Variants in GSE1 observed in about 807,000 individuals in gnomAD.
GSE1 encodes Gse1 coiled-coil protein, also known as genetic suppressor element 1.
In GSE1, 32 loss-of-function variants were observed where a neutral mutation model predicts 112.6. The ratio of observed to expected loss-of-function variants is 0.28; its 90% confidence interval spans 0.21 to 0.38. The LOEUF (loss-of-function observed/expected upper bound fraction) is 0.38. Among genes scored for constraint, GSE1 ranks in the 10% least tolerant of loss-of-function variants. The pLI, the probability that GSE1 is intolerant of heterozygous loss-of-function variation, is 1.00. For missense variants in GSE1, 2,348 were observed against 1,699.2 expected (o/e 1.38, Z -6.71); for synonymous variants, 1,115 against 735.6 (o/e 1.52, Z -8.35).
chr16:85,515,585 C>T (rs2051903470), intron 2 of GSE1, among the ~76,000 whole-genome samples: 1 of 151,574 alleles, frequency 6.6e-6, no homozygotes, highest in African/African-American at 2.4e-5. Flanking sequence ...GCGCCAGGGG[C>T]CCAGACTGGG....
intron 2 of GSE1, among the ~76,000 whole-genome samples, chr16:85,471,492 C>T (rs1480266098): frequency 6.6e-6 from 1 of 152,178 alleles, no homozygotes; most frequent in East Asian, 1.9e-4. Context: ...TAGCTCACTG[C>T]AGCCTCCATT....
At chr16:85,344,083 G>A (rs1394855343) in intron 1 of GSE1, among the ~76,000 whole-genome samples, 1 of 152,168 alleles carries the variant, frequency 6.6e-6, no homozygotes, top group Non-Finnish European at 1.5e-5. Flanking sequence ...CAGGGCCTGG[G>A]AGTGCTGTTC....
intron 1 of GSE1, among the ~76,000 whole-genome samples, chr16:85,247,194 G>A (rs576600954): frequency 3.9e-5 from 6 of 152,228 alleles, no homozygotes; most frequent in East Asian, 1.9e-4. Context: ...TCTTGATTTC[G>A]CCACGGGCTG....
intron 2 of GSE1, among the ~76,000 whole-genome samples, chr16:85,639,758 C>T (rs985636504): frequency 2.0e-5 from 3 of 152,252 alleles, no homozygotes; most frequent in Admixed American, 1.3e-4. Flanking sequence ...CCGCCGCCCC[C>T]ACTGCTGTGT....
chr16:85,208,324 C>T (rs567056335), intron 1 of GSE1, among the ~76,000 whole-genome samples: 42 of 152,298 alleles, frequency 2.8e-4, no homozygotes, highest in Admixed American at 9.8e-4. Context: ...GCTCCCTGAA[C>T]GGTCTGCGGA....
At chr16:85,416,441 T>C (rs1387790249) in intron 2 of GSE1, among the ~76,000 whole-genome samples, 1 of 152,046 alleles carries the variant, frequency 6.6e-6, no homozygotes, top group Non-Finnish European at 1.5e-5. Flanking sequence ...GAGCGGCTCC[T>C]CCCGAGCAGG....
chr16:85,383,314 A>G (rs2047602086), intron 2 of GSE1, among the ~76,000 whole-genome samples: 1 of 151,586 alleles, frequency 6.6e-6, no homozygotes, highest in Non-Finnish European at 1.5e-5. Context: ...ATGTACATAC[A>G]CAGTCCTCAG....
chr16:85,400,329 A>T (rs2048072892), intron 2 of GSE1, among the ~76,000 whole-genome samples: 1 of 147,004 alleles, frequency 6.8e-6, no homozygotes. Context: ...GTGTGATTAT[A>T]TGTCTGTGTG....
At chr16:85,187,737 C>A (rs925778170) in intron 1 of GSE1, among the ~76,000 whole-genome samples, 1 of 152,226 alleles carries the variant, frequency 6.6e-6, no homozygotes, top group Non-Finnish European at 1.5e-5. Context: ...CACCCACACA[C>A]AGGGACAGGC....
chr16:85,569,032 C>T (rs2045873912), intron 1 of GSE1, among the ~76,000 whole-genome samples: 1 of 152,216 alleles, frequency 6.6e-6, no homozygotes, highest in Non-Finnish European at 1.5e-5. Context: ...ATTGAGGTCA[C>T]TTTCTGGGTG....
chr16:85,510,606 G>A (rs1001839395), intron 2 of GSE1, among the ~76,000 whole-genome samples: 2 of 152,224 alleles, frequency 1.3e-5, no homozygotes, highest in South Asian at 2.1e-4. Flanking sequence ...TGGAAGGGAG[G>A]GGGAACCCAG....
rs74031730 is a variant in GSE1 at position 85,211,312 on chromosome 16, G to T, written c.2283+39505G>T. 6.6e-3 allele frequency among the ~76,000 whole-genome samples: 918 copies of T among 138,978 alleles called. 4 individuals carry two copies. Among genetic ancestry groups the T allele is most frequent in the African/African-American group, 0.016 (627 of 38,228 alleles). The allele number at this position is 138,978 out of a possible 152,430, so 91.2% of individuals were successfully genotyped here. ...TTCAGGCTTGTGGTTTTTTTTTTTT[G>T]TTTTTTTTTTTTAAGGGAATGTCTT... On this transcript the variant is annotated intron_variant, in intron 1 of 2. Coordinates refer to the GSE1 transcript ENST00000637419.
At chr16:85,415,167 C>T (rs1007733725) in intron 2 of GSE1, among the ~76,000 whole-genome samples, 6 of 152,170 alleles carry the variant, frequency 3.9e-5, no homozygotes, top group African/African-American at 1.2e-4. Flanking sequence ...CTTGAACCCC[C>T]GTACTCAAAC....
At chr16:85,438,390 G>T (rs542831436) in intron 2 of GSE1, among the ~76,000 whole-genome samples, 4 of 152,194 alleles carry the variant, frequency 2.6e-5, no homozygotes, top group Non-Finnish European at 5.9e-5. Context: ...GGCGCACCCC[G>T]CTCTGTTCTT....
At chr16:85,471,144 G>A (rs2050281808) in intron 2 of GSE1, among the ~76,000 whole-genome samples, 1 of 152,024 alleles carries the variant, frequency 6.6e-6, no homozygotes, top group Admixed American at 6.5e-5. Context: ...CGCCCTGGGT[G>A]CTCTCAGCCC....
chr16:85,399,874 T>C (rs1017438580), intron 2 of GSE1, among the ~76,000 whole-genome samples: 2 of 152,202 alleles, frequency 1.3e-5, no homozygotes, highest in African/African-American at 4.8e-5. Context: ...TTACCATTAA[T>C]ATTGCTGAGA....
At position 85,391,276 on chromosome 16, in the gene GSE1, C is replaced by T. The variant is rs545372417; in HGVS notation, c.2464+33633C>T. On this transcript the variant is annotated intron_variant, in intron 2 of 2. Transcript: ENST00000637419. ...ATTAATGCATGTCCCACGCACCCAC[C>T]CGAAGAAGCAGGCATTTTTATCCCT... 1.8e-4 allele frequency among the ~76,000 whole-genome samples: 28 copies of T among 152,382 alleles called. No homozygotes were observed. In the South Asian group the frequency reaches 5.8e-3, roughly 32 times the overall value.
At chr16:85,596,278 A>G (rs1349937353) in intron 1 of GSE1, among the ~76,000 whole-genome samples, 2 of 152,160 alleles carry the variant, frequency 1.3e-5, no homozygotes, top group Non-Finnish European at 2.9e-5. Context: ...TAGCTGCAGA[A>G]CGCATCACTG....
intron 1 of GSE1, chr16:85,171,938 G>A: frequency 2.2e-6 from 1 of 447,588 alleles, no homozygotes; most frequent in Non-Finnish European, 3.0e-6. Context: ...GGTGTTCCGG[G>A]GGAGGTACCC....
Sources: allele counts gnomAD v4.1 joint callset (sites outside exome capture counted in the v4.1 genomes callset), GRCh38; gene constraint gnomAD v4.1.1; transcripts MANE v1.5; gene names NCBI Gene and HGNC (gene_info 2026-07-23, HGNC 2026-07-21).